The following ACSM4 variants were observed in gnomAD, a reference collection of about 807,000 sequenced individuals.
ACSM4 encodes the protein acyl-CoA synthetase medium chain family member 4, also known as acyl-coenzyme A synthetase ACSM4, mitochondrial.
A neutral mutation model predicts 73.0 loss-of-function variants in ACSM4; 66 were observed. The observed-to-expected ratio is 0.90, with a 90% CI of 0.74 to 1.11. ACSM4 has a LOEUF of 1.11. Among genes scored for constraint, ACSM4 ranks in the 50% least tolerant of loss-of-function variants. ACSM4 has a pLI of 0.00. For synonymous variants in ACSM4, 222 were observed against 254.0 expected, an observed-to-expected ratio of 0.87 and a Z score of 1.20; for missense variants, 645 against 714.4, an observed-to-expected ratio of 0.90 and a Z score of 1.11.
At chr12:7,315,521 A>T (rs1185381058) in intron 3 of ACSM4, among the ~76,000 whole-genome samples, 1 of 152,108 alleles carries the variant, frequency 6.6e-6, no homozygotes, top group African/African-American at 2.4e-5. Flanking sequence ...CTGAGGCAGG[A>T]GAATTGCTTG....
At chr12:7,316,769 A>G (rs927133128) in intron 3 of ACSM4, among the ~76,000 whole-genome samples, 3 of 152,258 alleles carry the variant, frequency 2.0e-5, no homozygotes, top group African/African-American at 7.2e-5. Context: ...ATAGCAATGT[A>G]TGAAGATTCA....
intron 2 of ACSM4, among the ~76,000 whole-genome samples, chr12:7,309,802 G>A (rs922819705): frequency 5.9e-5 from 9 of 152,072 alleles, no homozygotes; most frequent in African/African-American, 1.9e-4. Context: ...TTGTTTGTTT[G>A]AGACAGAGTC....
chr12:7,325,529 C>A (rs1269461852), intron 11 of ACSM4, among the ~76,000 whole-genome samples: 1 of 152,144 alleles, frequency 6.6e-6, no homozygotes, highest in Admixed American at 6.5e-5. Flanking sequence ...CACCTGTAAT[C>A]TCAGCTACTT....
chr12:7,312,849 T>C (rs1488915323), intron 3 of ACSM4, among the ~76,000 whole-genome samples: 1 of 152,220 alleles, frequency 6.6e-6, no homozygotes, highest in African/African-American at 2.4e-5. Context: ...CATTCAATAG[T>C]GTAGTGATTC....
intron 11 of ACSM4, among the ~76,000 whole-genome samples, chr12:7,325,668 CA>C (rs1347511586): frequency 6.6e-6 from 1 of 152,028 alleles, no homozygotes; most frequent in Admixed American, 6.6e-5. Context: ...AAGAAAGAAA[CA>C]AAACTGTGGC....
intron 3 of ACSM4, among the ~76,000 whole-genome samples, chr12:7,311,111 A>T (rs1386930286): frequency 6.6e-6 from 1 of 152,124 alleles, no homozygotes; most frequent in Non-Finnish European, 1.5e-5. Context: ...AGTTGCAGTG[A>T]GCCGAGTTTA....
At chr12:7,309,083 C>A (rs1039658847) in intron 2 of ACSM4, among the ~76,000 whole-genome samples, 1 of 152,236 alleles carries the variant, frequency 6.6e-6, no homozygotes, top group African/African-American at 2.4e-5. Flanking sequence ...CCCAATAATT[C>A]ACTTTAGAAA....
At chr12:7,311,871 G>T (rs957983645) in intron 3 of ACSM4, among the ~76,000 whole-genome samples, 1 of 152,112 alleles carries the variant, frequency 6.6e-6, no homozygotes, top group African/African-American at 2.4e-5. Flanking sequence ...TGTATTTTTA[G>T]TAGAAAGGGA....
At chr12:7,309,694 T>G (rs1946379620) in intron 2 of ACSM4, among the ~76,000 whole-genome samples, 1 of 152,084 alleles carries the variant, frequency 6.6e-6, no homozygotes, top group South Asian at 2.1e-4. Flanking sequence ...TGAGCCACCA[T>G]GCCCAACCAA....
chr12:7,316,389 G>A (rs779673766), intron 3 of ACSM4, among the ~76,000 whole-genome samples: 1 of 152,300 alleles, frequency 6.6e-6, no homozygotes, highest in African/African-American at 2.4e-5. Flanking sequence ...ATGGGCAGGG[G>A]AAGAAGGCTG....
rs1411915506 is a variant in ACSM4 at position 7,322,457 on chromosome 12, G to A, written c.1041G>A (p.Gly347=). 6.2e-7 allele frequency: 1 copy of A among 1,613,858 alleles called. No individual in the cohort carries two copies. The highest frequency in any genetic ancestry group is 1.1e-5 in the South Asian group (1 of 91,082). Residue 347 remains glycine, a synonymous_variant, in exon 7 of 13, where the codon GGG becomes GGA. Transcript: ENST00000399422. ...GTCTGCGGCACTGCTTGACCGGAGGGGAGCCACTCAACCCAGAAGTGCTGG... is the reference window on the plus strand; with the variant it reads ...GTCTGCGGCACTGCTTGACCGGAGGAGAGCCACTCAACCCAGAAGTGCTGG... The part of the protein sequence containing the change: ...FKSLRHCLTG[G]EPLNPEVLEQ...
At chr12:7,317,301 T>G (rs1213308767) in intron 4 of ACSM4, 21 bp downstream of exon 4, 1 of 1,539,882 alleles carries the variant, frequency 6.5e-7, no homozygotes, top group East Asian at 2.5e-5. Context: ...AAATTCAGTT[T>G]GTTTTTGGTG....
At chr12:7,306,838 T>G in intron 2 of ACSM4, 95 bp downstream of exon 2, 1 of 649,942 alleles carries the variant, frequency 1.5e-6, no homozygotes. Flanking sequence ...AAAGTATGCA[T>G]ACAGAAGACA....
intron 2 of ACSM4, among the ~76,000 whole-genome samples, chr12:7,307,756 C>A (rs186085390): frequency 3.2e-4 from 49 of 152,214 alleles, no homozygotes; most frequent in Non-Finnish European, 1.6e-4. Context: ...ATTTATACAC[C>A]GTCTATGGCT....
At chr12:7,318,357 G>C (rs1946436732) in intron 5 of ACSM4, 175 bp downstream of exon 5, 4 of 706,298 alleles carry the variant, frequency 5.7e-6, no homozygotes, top group Non-Finnish European at 8.8e-6. Context: ...CAGAATGGAG[G>C]GGGAACAACT....
At chr12:7,307,340 G>A (rs1011289188) in intron 2 of ACSM4, among the ~76,000 whole-genome samples, 2 of 151,978 alleles carry the variant, frequency 1.3e-5, no homozygotes, top group African/African-American at 2.4e-5. Flanking sequence ...TATGCAATTG[G>A]GATTTAAAAA....
intron 2 of ACSM4, among the ~76,000 whole-genome samples, chr12:7,307,469 C>T (rs972163542): frequency 2.6e-5 from 4 of 151,424 alleles, no homozygotes; most frequent in Admixed American, 2.6e-4. Context: ...TTCTCCCTAA[C>T]AAAAAAAAGA....
chr12:7,327,206 A>T, intron 12 of ACSM4, 111 bp downstream of exon 12: 9 of 1,281,860 alleles, frequency 7.0e-6, no homozygotes, highest in Non-Finnish European at 9.4e-6. Context: ...TAGGTAGAAG[A>T]CACTTTTCAA....
intron 7 of ACSM4, 108 bp downstream of exon 7, chr12:7,322,649 T>C: frequency 7.2e-7 from 1 of 1,386,718 alleles, no homozygotes; most frequent in Non-Finnish European, 9.6e-7. Context: ...TTTTATAGAG[T>C]TTCCCGGGAT....
Sources: allele counts gnomAD v4.1 joint callset (sites outside exome capture counted in the v4.1 genomes callset), GRCh38; gene constraint gnomAD v4.1.1; transcripts MANE v1.5; gene names NCBI Gene and HGNC (gene_info 2026-07-23, HGNC 2026-07-21).